CNNM2: variants seen among roughly 807,000 people sequenced by gnomAD.
CNNM2 encodes the protein cyclin and CBS domain divalent metal cation transport mediator 2.
In CNNM2, 12 loss-of-function variants were observed where a neutral mutation model predicts 66.9. The ratio of observed to expected loss-of-function variants is 0.18; its 90% confidence interval spans 0.11 to 0.29. The LOEUF (loss-of-function observed/expected upper bound fraction) is 0.29. Ranked by LOEUF, CNNM2 falls within the 10% of genes least tolerant of loss-of-function variation. The pLI is 1.00. For missense variants in CNNM2, 705 were observed against 1,167.7 expected (o/e 0.60, Z 5.77); for synonymous variants, 557 against 501.8 (o/e 1.11, Z -1.47).
At chr10:103,063,923 T>C (rs1051884293) in intron 4 of CNNM2, among the ~76,000 whole-genome samples, 6 of 152,250 alleles carry the variant, frequency 3.9e-5, no homozygotes, top group Non-Finnish European at 1.5e-5. Flanking sequence ...TGTGCCCTAA[T>C]TTTTGTATAC....
chr10:103,018,775 C>T (rs1590403369), intron 1 of CNNM2, among the ~76,000 whole-genome samples: 1 of 148,312 alleles, frequency 6.7e-6, no homozygotes, highest in African/African-American at 2.5e-5. Flanking sequence ...TCTCCTCCCT[C>T]AGCCCCCCGA....
At chr10:102,934,275 C>CTTT (rs67622312) in intron 1 of CNNM2, among the ~76,000 whole-genome samples, 6 of 135,360 alleles carry the variant, frequency 4.4e-5, no homozygotes, top group Admixed American at 7.5e-5. Context: ...TTCTTTCTTT[C>CTTT]TTTCTTTTTT....
Position 102,954,967 on chromosome 10 carries a change from A to G in CNNM2, c.1621+34866A>G, listed in dbSNP as rs146834904. Among the ~76,000 whole-genome samples, 776 of 152,304 alleles carry G rather than the reference A, an allele frequency of 5.1e-3. 16 individuals carry two copies. Among genetic ancestry groups the G allele is most frequent in the East Asian group, 8.7e-3 (45 of 5,190 alleles). On this transcript the variant is annotated intron_variant, in intron 1 of 7. Coordinates refer to ENST00000369878, the MANE Select transcript of CNNM2 (RefSeq NM_017649.5). ...GGCGATACTGCCCAAGGTAATTTAT[A>G]GATTCGATGCCATCCCCATCAAGCT...
rs576517865 is a variant in CNNM2, at chr10:103,029,969, C to T, written c.1622-19738C>T. 3.3e-5 allele frequency among the ~76,000 whole-genome samples: 5 copies of T among 152,116 alleles called. No homozygotes were observed. In the South Asian group the frequency reaches 1.0e-3, roughly 32 times the overall value. ...AAGGCTTTGTGGGAACAGTGACAGGCACCAAACCCAGCTGGTCTAGGTGAG... is the reference window on the plus strand; with the variant it reads ...AAGGCTTTGTGGGAACAGTGACAGGTACCAAACCCAGCTGGTCTAGGTGAG... On this transcript the variant is annotated intron_variant, in intron 1 of 7. Transcript: ENST00000369878.
rs2065345945 is a variant in CNNM2 at position 103,059,325 on chromosome 10, TCCCTTCCTGGCCTCAGTGCC to T, written c.2073+2362_2073+2381del. 2.0e-5 allele frequency among the ~76,000 whole-genome samples: 3 copies of T among 152,270 alleles called. No homozygotes were observed. The South Asian group carries it at 6.2e-4, about 32-fold the overall frequency. On this transcript the variant is annotated intron_variant, in intron 4 of 7. Coordinates refer to ENST00000369878, the MANE Select transcript of CNNM2 (RefSeq NM_017649.5). ...AAGAAAAAAGCAATAATATCTGCCTTCCCTTCCTGGCCTCAGTGCCAGTGAGATGCTCTCCCTGCAGGAAA... is the reference window on the plus strand; with the variant it reads ...AAGAAAAAAGCAATAATATCTGCCTTAGTGAGATGCTCTCCCTGCAGGAAA...
chr10:102,946,231 C>T (rs1408103400), intron 1 of CNNM2, among the ~76,000 whole-genome samples: 1 of 152,004 alleles, frequency 6.6e-6, no homozygotes, highest in Non-Finnish European at 1.5e-5. Flanking sequence ...TCAAAGGAGG[C>T]CAGAGGCTGG....
intron 1 of CNNM2, among the ~76,000 whole-genome samples, chr10:103,045,717 C>T (rs1590453681): frequency 1.3e-5 from 2 of 151,712 alleles, no homozygotes; most frequent in East Asian, 1.9e-4. Context: ...AGATACTTTG[C>T]ATGCTTTGGA....
chr10:103,007,814 G>T (rs1390767289), intron 1 of CNNM2, among the ~76,000 whole-genome samples: 1 of 152,162 alleles, frequency 6.6e-6, no homozygotes, highest in Non-Finnish European at 1.5e-5. Flanking sequence ...CAGTGGTCCT[G>T]AGGTGACGTA....
chr10:102,950,278 G>A (rs931082797), intron 1 of CNNM2, among the ~76,000 whole-genome samples: 3 of 152,224 alleles, frequency 2.0e-5, no homozygotes, highest in African/African-American at 7.2e-5. Context: ...AAAATGAAAT[G>A]TTTGTAAGTT....
At chr10:103,045,843 C>G (rs1426448080) in intron 1 of CNNM2, among the ~76,000 whole-genome samples, 1 of 152,168 alleles carries the variant, frequency 6.6e-6, no homozygotes, top group African/African-American at 2.4e-5. Flanking sequence ...TGAGTTCTTA[C>G]TATGTTGCCC....
At position 102,919,121 on chromosome 10, in the gene CNNM2, G is replaced by T. The variant is rs1313043976; in HGVS notation, c.641G>T (p.Gly214Val). 1 of 1,610,864 alleles carries T rather than the reference G, an allele frequency of 6.2e-7. No individual in the cohort carries two copies. Among genetic ancestry groups the T allele is most frequent in the African/African-American group, 1.3e-5 (1 of 74,914 alleles). The change falls in exon 1 of 8, where the codon GGC becomes GTC. Residue 214 changes from glycine to valine, a missense_variant. Physicochemically the swap from Gly to Val is moderately radical, Grantham distance 109 (BLOSUM62 -3). This residue lies in a region of CNNM2 where 100 missense variants were observed against 151.9 expected (regional missense o/e 0.66). Coordinates refer to ENST00000369878, the MANE Select transcript of CNNM2 (RefSeq NM_017649.5). ...GSGSTGGAVG[G>V]KGGSGVAGLP... is the part of the protein sequence containing the mutation. Reference sequence around the variant, plus strand: ...GGGTCCACGGGTGGCGCCGTCGGGGGCAAGGGTGGCTCGGGGGTGGCCGGG... The same window carrying T: ...GGGTCCACGGGTGGCGCCGTCGGGGTCAAGGGTGGCTCGGGGGTGGCCGGG...
rs532047566 is a variant in CNNM2, at chr10:102,932,762, A to ACAAAAATTAGC, written c.1621+12664_1621+12674dup. The stretch of plus-strand genomic sequence containing the variant: ...GTGAAACCCCGTCTCTACTAAAAAT[A>ACAAAAATTAGC]CAAAAATTAGCCAGCGTGGTGGTGC... On this transcript the variant is annotated intron_variant, in intron 1 of 7. Coordinates refer to ENST00000369878, the MANE Select transcript of CNNM2 (RefSeq NM_017649.5). 3.5e-3 allele frequency among the ~76,000 whole-genome samples: 540 copies of ACAAAAATTAGC among 152,132 alleles called. 3 individuals are homozygous for ACAAAAATTAGC. The highest frequency in any genetic ancestry group is 0.013 in the African/African-American group (527 of 41,488).
chr10:102,999,472 T>A (rs919026112), intron 1 of CNNM2, among the ~76,000 whole-genome samples: 1 of 152,080 alleles, frequency 6.6e-6, no homozygotes, highest in Non-Finnish European at 1.5e-5. Flanking sequence ...AATAATTTAA[T>A]TAAAAATTTC....
chr10:103,037,339 C>T (rs1282423255), intron 1 of CNNM2, among the ~76,000 whole-genome samples: 1 of 151,212 alleles, frequency 6.6e-6, no homozygotes, highest in Non-Finnish European at 1.5e-5. Context: ...CTAGGCTAGA[C>T]TCACTTTTGG....
At chr10:102,942,892 C>T (rs1329251502) in intron 1 of CNNM2, among the ~76,000 whole-genome samples, 1 of 152,054 alleles carries the variant, frequency 6.6e-6, no homozygotes, top group Non-Finnish European at 1.5e-5. Context: ...GTGAAAAGAG[C>T]AACATGGTTT....
intron 1 of CNNM2, among the ~76,000 whole-genome samples, chr10:103,033,345 G>A (rs997288421): frequency 6.6e-6 from 1 of 151,618 alleles, no homozygotes; most frequent in Non-Finnish European, 1.5e-5. Flanking sequence ...CCCACCACCA[G>A]GCCCACTTAA....
At chr10:103,041,115 CT>C (rs1406558774) in intron 1 of CNNM2, among the ~76,000 whole-genome samples, 1 of 152,148 alleles carries the variant, frequency 6.6e-6, no homozygotes, top group African/African-American at 2.4e-5. Context: ...AGCCTGAAGT[CT>C]GCTGAACCTA....
intron 1 of CNNM2, among the ~76,000 whole-genome samples, chr10:102,986,236 A>G (rs566153904): frequency 1.1e-4 from 16 of 152,262 alleles, no homozygotes; most frequent in African/African-American, 3.9e-4. Context: ...CTGAAATATA[A>G]TTGTGTGATC....
intron 1 of CNNM2, among the ~76,000 whole-genome samples, chr10:102,939,922 C>T (rs55656016): frequency 2.6e-4 from 39 of 151,884 alleles, no homozygotes; most frequent in African/African-American, 8.9e-4. Flanking sequence ...GATCTGAGAT[C>T]GCGCCACTGC....
Sources: gnomAD v4.1 joint callset for allele counts (sites outside exome capture counted in the v4.1 genomes callset) on GRCh38, gnomAD v4.1.1 for gene constraint, gnomAD v4.1.1 regional missense constraint, MANE v1.5 for transcripts, NCBI Gene and HGNC (gene_info 2026-07-23, HGNC 2026-07-21) for gene names.